Variants in B3GLCT observed in about 807,000 individuals in gnomAD.
B3GLCT encodes beta-1,3-glucosyltransferase.
B3GLCT carries 65 observed loss-of-function variants against 63.4 expected under a neutral mutation model. The ratio of observed to expected loss-of-function variants is 1.03; its 90% confidence interval spans 0.84 to 1.26. The LOEUF (loss-of-function observed/expected upper bound fraction) is 1.26, where lower values mean the gene tolerates loss of function less well. B3GLCT is among the 50% of genes most tolerant of loss of function. The pLI is 0.00. For missense variants in B3GLCT, 577 were observed against 604.8 expected (o/e 0.95, Z 0.48); for synonymous variants, 233 against 219.2 (o/e 1.06, Z -0.55).
intron 13 of B3GLCT, among the ~76,000 whole-genome samples, chr13:31,320,549 T>C (rs1875281894): frequency 6.6e-6 from 1 of 152,234 alleles, no homozygotes; most frequent in South Asian, 2.1e-4. Flanking sequence ...ACATATGATT[T>C]TCCTGTTATT....
At position 31,214,986 on chromosome 13, in the gene B3GLCT, G is replaced by T. The variant is rs540845119; in HGVS notation, c.71-65G>T. ...TTTTTTATTATAAGCAAAACTGTTG[G>T]ATGTGAGAATTAACCTGAATTGCTA... On this transcript the variant is annotated intron_variant, in intron 1 of 14. Transcript: ENST00000343307. The T allele has an allele frequency of 7.2e-5, 103 of 1,425,814 alleles. No homozygotes were observed. The South Asian group carries it at 1.1e-3, about 15-fold the overall frequency. The allele number at this position is 1,425,814 out of a possible 1,614,324, so 88.3% of individuals were successfully genotyped here.
chr13:31,258,740 A>G (rs374399283), intron 6 of B3GLCT, among the ~76,000 whole-genome samples: 7 of 152,128 alleles, frequency 4.6e-5, no homozygotes, highest in African/African-American at 1.2e-4. Flanking sequence ...TTAATTTTCA[A>G]CAGTGTTACC....
chr13:31,212,552 C>T (rs1041055912), intron 1 of B3GLCT, among the ~76,000 whole-genome samples: 1 of 152,042 alleles, frequency 6.6e-6, no homozygotes, highest in Non-Finnish European at 1.5e-5. Context: ...GGATTACAGG[C>T]GTGGGCCACT....
At chr13:31,262,363 G>A (rs1413189076) in intron 7 of B3GLCT, among the ~76,000 whole-genome samples, 5 of 152,194 alleles carry the variant, frequency 3.3e-5, no homozygotes, top group African/African-American at 7.2e-5. Context: ...TGGGCCTGCC[G>A]GGCAAGAATG....
chr13:31,256,174 G>GA (rs1318986648), intron 6 of B3GLCT, among the ~76,000 whole-genome samples: 1 of 151,844 alleles, frequency 6.6e-6, no homozygotes, highest in Admixed American at 6.6e-5. Flanking sequence ...AAAAACATAT[G>GA]AAAAAAAAGT....
At chr13:31,258,511 C>A (rs766233554) in intron 6 of B3GLCT, among the ~76,000 whole-genome samples, 1 of 152,064 alleles carries the variant, frequency 6.6e-6, no homozygotes, top group Non-Finnish European at 1.5e-5. Flanking sequence ...CAGTGGTTTC[C>A]CATTCCACCT....
At chr13:31,288,700 C>G (rs1041235831) in intron 12 of B3GLCT, among the ~76,000 whole-genome samples, 1 of 152,138 alleles carries the variant, frequency 6.6e-6, no homozygotes, top group Non-Finnish European at 1.5e-5. Flanking sequence ...AAATAAAAGC[C>G]AAGGTGTCTT....
intron 4 of B3GLCT, among the ~76,000 whole-genome samples, chr13:31,232,977 A>G (rs1282840835): frequency 6.6e-6 from 1 of 152,116 alleles, no homozygotes; most frequent in Non-Finnish European, 1.5e-5. Flanking sequence ...TACAGTATGG[A>G]CCTTTGGCCG....
intron 7 of B3GLCT, among the ~76,000 whole-genome samples, chr13:31,267,824 T>A (rs2137843336): frequency 6.6e-6 from 1 of 152,168 alleles, no homozygotes; most frequent in African/African-American, 2.4e-5. Context: ...GTATTTTTCC[T>A]TTTTCTTTTA....
At chr13:31,287,864 A>C (rs1873424924) in intron 12 of B3GLCT, among the ~76,000 whole-genome samples, 1 of 152,158 alleles carries the variant, frequency 6.6e-6, no homozygotes, top group African/African-American at 2.4e-5. Flanking sequence ...GAGGTGAAAA[A>C]CCCACTGGAT....
chr13:31,292,699 C>CTT (rs56038439), intron 12 of B3GLCT, among the ~76,000 whole-genome samples: 36 of 147,572 alleles, frequency 2.4e-4, no homozygotes, highest in East Asian at 5.9e-4. Flanking sequence ...ATTCTTCTCT[C>CTT]TTTTTTTTTT....
intron 4 of B3GLCT, among the ~76,000 whole-genome samples, chr13:31,233,331 G>A (rs1870475322): frequency 6.6e-6 from 1 of 151,884 alleles, no homozygotes; most frequent in Non-Finnish European, 1.5e-5. Context: ...TAAATCTTTT[G>A]GAGATAATAT....
chr13:31,206,492 G>A (rs1312134651), intron 1 of B3GLCT, among the ~76,000 whole-genome samples: 1 of 148,850 alleles, frequency 6.7e-6, no homozygotes, highest in Non-Finnish European at 1.5e-5. Context: ...TGTAATCCCA[G>A]CACTTTGGGA....
At chr13:31,289,304 C>G (rs939717209) in intron 12 of B3GLCT, among the ~76,000 whole-genome samples, 3 of 151,966 alleles carry the variant, frequency 2.0e-5, no homozygotes, top group African/African-American at 7.2e-5. Flanking sequence ...GAAGAGAGAT[C>G]AAAAACTTTA....
intron 2 of B3GLCT, among the ~76,000 whole-genome samples, chr13:31,221,941 A>C (rs2137757009): frequency 6.6e-6 from 1 of 152,286 alleles, no homozygotes; most frequent in South Asian, 2.1e-4. Flanking sequence ...GACACTTTGC[A>C]CTTTGCCAGA....
intron 6 of B3GLCT, among the ~76,000 whole-genome samples, chr13:31,255,048 A>AG (rs1472919919): frequency 1.3e-5 from 2 of 151,752 alleles, no homozygotes; most frequent in African/African-American, 4.8e-5. Flanking sequence ...AAAAAAAAAA[A>AG]AAAAAAGAAA....
At chr13:31,308,862 C>T (rs113947314) in intron 12 of B3GLCT, among the ~76,000 whole-genome samples, 4,756 of 152,262 alleles carry the variant, frequency 0.031, 107 homozygotes, top group Non-Finnish European at 0.047. Context: ...GGTTCTGAGG[C>T]TAGTGGCTGA....
At chr13:31,276,399 T>C (rs1872785020) in intron 9 of B3GLCT, among the ~76,000 whole-genome samples, 1 of 152,222 alleles carries the variant, frequency 6.6e-6, no homozygotes, top group South Asian at 2.1e-4. Context: ...ATTATAGTAA[T>C]AATAGCAGCC....
intron 4 of B3GLCT, among the ~76,000 whole-genome samples, chr13:31,238,236 G>T (rs185152728): frequency 2.0e-5 from 3 of 152,128 alleles, no homozygotes; most frequent in African/African-American, 7.2e-5. Flanking sequence ...TATTAAAAAC[G>T]GAAACATTTT....
Sources: allele counts gnomAD v4.1 joint callset (sites outside exome capture counted in the v4.1 genomes callset), GRCh38; gene constraint gnomAD v4.1.1; transcripts MANE v1.5; gene names NCBI Gene and HGNC (gene_info 2026-07-23, HGNC 2026-07-21).